The following SUSD4 variants were observed in gnomAD, a reference collection of about 807,000 sequenced individuals.
SUSD4 encodes sushi domain containing 4.
SUSD4 carries 41 observed loss-of-function variants against 50.5 expected under a neutral mutation model. The observed-to-expected ratio is 0.81, with a 90% CI of 0.63 to 1.05. The LOEUF (loss-of-function observed/expected upper bound fraction) is 1.05, where lower values mean the gene tolerates loss of function less well. Among genes scored for constraint, SUSD4 ranks in the 50% least tolerant of loss-of-function variants. The probability of loss-of-function intolerance (pLI) is 0.00; values close to 1 mark genes in which losing one functional copy is unlikely to be tolerated. For missense variants in SUSD4, 580 were observed against 634.7 expected, an observed-to-expected ratio of 0.91 and a Z score of 0.93; for synonymous variants, 257 against 257.3, an observed-to-expected ratio of 1.00 and a Z score of 0.01.
chr1:223,310,268 G>A (rs1237268327), intron 2 of SUSD4, among the ~76,000 whole-genome samples: 1 of 152,086 alleles, frequency 6.6e-6, no homozygotes, highest in African/African-American at 2.4e-5. Context: ...CTATGACCTT[G>A]GGCTGCAGCA....
rs144638391 is a variant in SUSD4 at position 223,360,989 on chromosome 1, C to T, written c.148+2289G>A. Reference sequence around the variant, plus strand: ...TGCCTTGGTCTCAAGCATGGCTAATCAAAGTGTGGTCCTTGGATCAGTGGT... The same window carrying T: ...TGCCTTGGTCTCAAGCATGGCTAATTAAAGTGTGGTCCTTGGATCAGTGGT... On this transcript the variant is annotated intron_variant, in intron 2 of 8. Transcript: ENST00000366878. Among the ~76,000 whole-genome samples the T allele has an allele frequency of 1.6e-4, 24 of 152,312 alleles. 1 individual carries two copies. In the East Asian group the frequency reaches 4.6e-3, roughly 29 times the overall value.
At chr1:223,240,677 T>C (rs1660519049) in intron 5 of SUSD4, among the ~76,000 whole-genome samples, 1 of 152,250 alleles carries the variant, frequency 6.6e-6, no homozygotes, top group African/African-American at 2.4e-5. Flanking sequence ...TCTGCTTACA[T>C]TGCCCATTTT....
At chr1:223,251,176 A>T (rs1219887796) in intron 5 of SUSD4, among the ~76,000 whole-genome samples, 3 of 152,194 alleles carry the variant, frequency 2.0e-5, no homozygotes, top group Non-Finnish European at 4.4e-5. Flanking sequence ...AAGACTGGGT[A>T]ATTTATAAAG....
intron 5 of SUSD4, among the ~76,000 whole-genome samples, chr1:223,249,163 T>A (rs1661137763): frequency 6.6e-6 from 1 of 152,154 alleles, no homozygotes; most frequent in African/African-American, 2.4e-5. Flanking sequence ...CATTTTCCAA[T>A]ACATGATCCC....
At chr1:223,361,708 T>C (rs1254198949) in intron 2 of SUSD4, among the ~76,000 whole-genome samples, 1 of 152,184 alleles carries the variant, frequency 6.6e-6, no homozygotes, top group African/African-American at 2.4e-5. Flanking sequence ...CTTGATTAAC[T>C]AGTCTGTCAT....
chr1:223,321,613 T>C (rs2103247318), intron 2 of SUSD4, among the ~76,000 whole-genome samples: 1 of 152,324 alleles, frequency 6.6e-6, no homozygotes, highest in Non-Finnish European at 1.5e-5. Context: ...AGCGTAGAAC[T>C]TACCTTGTTG....
At chr1:223,364,546 G>T (rs1217798090), upstream of SUSD4, among the ~76,000 whole-genome samples, 1 of 150,200 alleles carries the variant, frequency 6.7e-6, no homozygotes, top group Non-Finnish European at 1.5e-5. The surrounding 1 kb of genome is among the most constrained non-coding windows in gnomAD (Gnocchi z 4.5). Context: ...AGGCGCCGGC[G>T]GCCGGTCTTG....
At chr1:223,274,114 A>T (rs1156416440) in intron 3 of SUSD4, among the ~76,000 whole-genome samples, 1 of 152,150 alleles carries the variant, frequency 6.6e-6, no homozygotes, top group Non-Finnish European at 1.5e-5. Context: ...ATCCCTCAGG[A>T]GCACTGTTCC....
At chr1:223,274,866 C>CT (rs961379941) in intron 3 of SUSD4, among the ~76,000 whole-genome samples, 1 of 151,724 alleles carries the variant, frequency 6.6e-6, no homozygotes, top group Non-Finnish European at 1.5e-5. Flanking sequence ...TCATAGAGCT[C>CT]TTTTTTTTCT....
At chr1:223,336,143 G>A (rs1264491952) in intron 2 of SUSD4, among the ~76,000 whole-genome samples, 2 of 152,084 alleles carry the variant, frequency 1.3e-5, no homozygotes, top group African/African-American at 2.4e-5. Context: ...TAGTAGATAC[G>A]GGGTTTCTCC....
At chr1:223,247,565 A>G (rs1661024927) in intron 5 of SUSD4, among the ~76,000 whole-genome samples, 1 of 152,236 alleles carries the variant, frequency 6.6e-6, no homozygotes, top group Admixed American at 6.5e-5. Flanking sequence ...TAAGGAAGAA[A>G]TAACAGATGT....
chr1:223,335,833 C>T (rs541339406), intron 2 of SUSD4, among the ~76,000 whole-genome samples: 2 of 152,024 alleles, frequency 1.3e-5, no homozygotes, highest in Non-Finnish European at 1.5e-5. Flanking sequence ...AGAATGTCTA[C>T]AGGGAAAAAG....
chr1:223,266,553 G>A, intron 4 of SUSD4, among the ~76,000 whole-genome samples: 1 of 152,178 alleles, frequency 6.6e-6, no homozygotes, highest in East Asian at 1.9e-4. Flanking sequence ...CTGACTCAGA[G>A]TAAGGTTATA....
chr1:223,311,604 G>A (rs952899734), intron 2 of SUSD4, among the ~76,000 whole-genome samples: 3 of 152,134 alleles, frequency 2.0e-5, no homozygotes, highest in African/African-American at 7.2e-5. Context: ...CCAAATATGG[G>A]AATAAACTCA....
chr1:223,319,863 A>G (rs1666465339), intron 2 of SUSD4, among the ~76,000 whole-genome samples: 1 of 152,226 alleles, frequency 6.6e-6, no homozygotes, highest in Non-Finnish European at 1.5e-5. Flanking sequence ...AACTATTGGT[A>G]GGAGGGGTGG....
rs1023242242 is a variant in SUSD4 at position 223,221,886 on chromosome 1, C to T, written c.*306G>A. 3.2e-6 allele frequency: 1 copy of T among 316,502 alleles called. No homozygotes were observed. The allele number at this position is 316,502 out of a possible 1,614,324, so 19.6% of individuals were successfully genotyped here. On this transcript the variant is annotated 3_prime_UTR_variant, in exon 9 of 9. Coordinates refer to ENST00000366878, the MANE Select transcript of SUSD4 (RefSeq NM_017982.4). ...ATGCGTGATGATTCGGTGGGATGTGCGTGGAATTGTCCCATGTTCCACAGC... is the reference window on the plus strand; with the variant it reads ...ATGCGTGATGATTCGGTGGGATGTGTGTGGAATTGTCCCATGTTCCACAGC...
intron 2 of SUSD4, among the ~76,000 whole-genome samples, chr1:223,325,281 T>A (rs945607984): frequency 6.6e-5 from 10 of 152,322 alleles, no homozygotes; most frequent in Admixed American, 5.2e-4. Context: ...ACCATCATTT[T>A]TTCCCCATGA....
In SUSD4 at chr1:223,300,171, G is replaced by T. The variant is rs1665090965; in HGVS notation, c.149-7520C>A. Among the ~76,000 whole-genome samples, 3 of 152,034 alleles carry T rather than the reference G, an allele frequency of 2.0e-5. 1 individual carries two copies. In the South Asian group the frequency reaches 6.2e-4, roughly 32 times the overall value. ...GGTCCTGGCCTGCAGTACCCCCTGGGGCTGACACACCCTCTCCATTACTGG... is the reference window on the plus strand; with the variant it reads ...GGTCCTGGCCTGCAGTACCCCCTGGTGCTGACACACCCTCTCCATTACTGG... On this transcript the variant is annotated intron_variant, in intron 2 of 8. Coordinates refer to ENST00000366878, the MANE Select transcript of SUSD4 (RefSeq NM_017982.4).
Position 223,229,056 on chromosome 1 carries a change from C to T in SUSD4, c.916+141G>A. The stretch of plus-strand genomic sequence containing the variant: ...AGAGCCCAACAGCAGCCCCATCGAC[C>T]CGCAATGATATGTTTCGATATCCTG... On this transcript the variant is annotated intron_variant, in intron 6 of 8. Coordinates refer to ENST00000366878, the MANE Select transcript of SUSD4 (RefSeq NM_017982.4). The surrounding 1 kb of genome is among the most constrained non-coding windows in gnomAD (Gnocchi z 4.7). The T allele has an allele frequency of 1.2e-6, 1 of 859,368 alleles. No individual in the cohort carries two copies. The highest frequency in any genetic ancestry group is 1.7e-5 in the African/African-American group (1 of 59,860). 53.2% of individuals were successfully genotyped at this position (859,368 alleles called of 1,614,324 possible).
Sources: gnomAD v4.1 joint callset for allele counts (sites outside exome capture counted in the v4.1 genomes callset) on GRCh38, gnomAD v4.1.1 for gene constraint, Gnocchi (gnomAD v3.1) non-coding constraint, MANE v1.5 for transcripts, NCBI Gene and HGNC (gene_info 2026-07-23, HGNC 2026-07-21) for gene names.